The following ACSL4 variants were observed in gnomAD, a reference collection of about 807,000 sequenced individuals.
ACSL4 encodes the protein long-chain-fatty-acid--CoA ligase 4.
In ACSL4, 9 loss-of-function variants were observed where a neutral mutation model predicts 49.1. The ratio of observed to expected loss-of-function variants is 0.18; its 90% CI spans 0.11 to 0.32. ACSL4 has a LOEUF of 0.32. Ranked by LOEUF, ACSL4 falls within the 10% of genes least tolerant of loss-of-function variation. The pLI, the probability that ACSL4 is intolerant of heterozygous loss-of-function variation, is 1.00. For synonymous variants in ACSL4, 191 were observed against 170.3 expected (o/e 1.12, Z -0.95); for missense variants, 333 against 493.7 (o/e 0.67, Z 3.08).
intron 2 of ACSL4, among the ~76,000 whole-genome samples, chrX:109,691,013 G>A (rs1446364637): frequency 2.7e-5 from 3 of 111,198 alleles, no homozygotes; most frequent in Non-Finnish European, 5.7e-5. Flanking sequence ...CCAGAAGCAT[G>A]TGACACAACA....
chrX:109,677,919 T>C, intron 8 of ACSL4, 69 bp downstream of exon 8: 13 of 1,186,082 alleles, frequency 1.1e-5, no homozygotes, highest in Non-Finnish European at 1.5e-5. Flanking sequence ...TCTCGAGTCC[T>C]AGTAATATGT....
At chrX:109,699,784 T>C (rs751259073) in intron 1 of ACSL4, among the ~76,000 whole-genome samples, 9 of 111,711 alleles carry the variant, frequency 8.1e-5, no homozygotes, top group Non-Finnish European at 1.3e-4. Context: ...AAAAATTGTA[T>C]ACTTAAAATT....
At chrX:109,677,143 T>A (rs1414959154) in intron 8 of ACSL4, among the ~76,000 whole-genome samples, 1 of 109,853 alleles carries the variant, frequency 9.1e-6, no homozygotes, top group Non-Finnish European at 1.9e-5. Context: ...TGTATTTTTT[T>A]AGTAGAGACG....
intron 9 of ACSL4, among the ~76,000 whole-genome samples, chrX:109,670,835 C>A (rs1275658443): frequency 8.9e-6 from 1 of 112,601 alleles, no homozygotes; most frequent in Non-Finnish European, 1.9e-5. Context: ...CCATGCTGGC[C>A]AGGCTGGTCT....
At chrX:109,647,693 T>C (rs1463076340) in intron 15 of ACSL4, among the ~76,000 whole-genome samples, 2 of 110,087 alleles carry the variant, frequency 1.8e-5, no homozygotes, top group Non-Finnish European at 3.8e-5. Flanking sequence ...CTGAAGGAAA[T>C]AGAGACACAA....
At chrX:109,693,845 T>C (rs759661477) in intron 2 of ACSL4, among the ~76,000 whole-genome samples, 41 of 111,965 alleles carry the variant, frequency 3.7e-4, no homozygotes, top group Non-Finnish European at 7.3e-4. Flanking sequence ...ACTCCTACTC[T>C]TCACCTTGGT....
At chrX:109,691,851 A>G (rs1236649351) in intron 2 of ACSL4, among the ~76,000 whole-genome samples, 1 of 112,006 alleles carries the variant, frequency 8.9e-6, no homozygotes, top group South Asian at 3.7e-4. Context: ...TCAAATATAC[A>G]GTAATTATAA....
chrX:109,680,076 A>G (rs1044146566), intron 6 of ACSL4, among the ~76,000 whole-genome samples: 1 of 112,084 alleles, frequency 8.9e-6, no homozygotes, highest in Non-Finnish European at 1.9e-5. Context: ...CAATAAGATA[A>G]TAAGATATTC....
intron 6 of ACSL4, 141 bp from the exon 7 acceptor site, chrX:109,678,556 G>T: frequency 1.3e-6 from 1 of 757,283 alleles, no homozygotes; most frequent in Non-Finnish European, 1.9e-6. Flanking sequence ...CGAGCTGGGT[G>T]AGGTGGCTCA....
chrX:109,683,740 A>AAT (rs1339137336), intron 2 of ACSL4: 1 of 329,804 alleles, frequency 3.0e-6, no homozygotes, highest in Non-Finnish European at 5.3e-6. Flanking sequence ...AAAACAAAAG[A>AAT]ATATTAACAA....
At chrX:109,706,770 T>C (rs989868996) in intron 1 of ACSL4, among the ~76,000 whole-genome samples, 1 of 112,342 alleles carries the variant, frequency 8.9e-6, no homozygotes, top group African/African-American at 3.2e-5. Flanking sequence ...AGTCAAGAAG[T>C]GTGTTGATAC....
At chrX:109,676,501 A>G (rs1923702126) in intron 8 of ACSL4, among the ~76,000 whole-genome samples, 2 of 111,303 alleles carry the variant, frequency 1.8e-5, no homozygotes, top group African/African-American at 6.5e-5. Flanking sequence ...CTGGGCCCCC[A>G]GTGTTGGAGG....
At chrX:109,717,894 T>C (rs1927246003) in intron 1 of ACSL4, among the ~76,000 whole-genome samples, 1 of 111,642 alleles carries the variant, frequency 9.0e-6, no homozygotes, top group South Asian at 3.8e-4. Context: ...AGTGTTAGCA[T>C]ATTTTATGTG....
intron 15 of ACSL4, among the ~76,000 whole-genome samples, chrX:109,659,059 A>C (rs1921946510): frequency 8.9e-6 from 1 of 112,040 alleles, no homozygotes; most frequent in African/African-American, 3.2e-5. Flanking sequence ...TCTGCTTTAC[A>C]GACACAAAGT....
chrX:109,729,054 C>CAA (rs34694513), intron 1 of ACSL4, among the ~76,000 whole-genome samples: 61 of 92,047 alleles, frequency 6.6e-4, no homozygotes, highest in South Asian at 1.6e-3. Context: ...ACTAAAAATA[C>CAA]AAAAAAAAAA....
chrX:109,719,458 C>T (rs1290541979), intron 1 of ACSL4, among the ~76,000 whole-genome samples: 1 of 111,981 alleles, frequency 8.9e-6, no homozygotes, highest in African/African-American at 3.3e-5. Context: ...TTGTACTCCT[C>T]GCGCTGAAAA....
intron 1 of ACSL4, among the ~76,000 whole-genome samples, chrX:109,707,206 T>C (rs1463632436): frequency 1.8e-5 from 2 of 112,114 alleles, no homozygotes; most frequent in Non-Finnish European, 3.8e-5. Context: ...CTACTACTTA[T>C]AATATTGCAT....
chrX:109,710,917 A>C (rs1926706467), intron 1 of ACSL4, among the ~76,000 whole-genome samples: 2 of 111,673 alleles, frequency 1.8e-5, no homozygotes, highest in Non-Finnish European at 3.8e-5. Flanking sequence ...CACTATCTTA[A>C]CCAGGCTGGT....
chrX:109,720,232 A>T (rs1023107400), intron 1 of ACSL4, among the ~76,000 whole-genome samples: 25 of 109,833 alleles, frequency 2.3e-4, no homozygotes, highest in African/African-American at 7.6e-4. Context: ...CGGGAGGCTG[A>T]GGCAGGAGAA....
Sources: gnomAD v4.1 joint callset for allele counts (sites outside exome capture counted in the v4.1 genomes callset) on GRCh38, gnomAD v4.1.1 for gene constraint, MANE v1.5 for transcripts, NCBI Gene and HGNC (gene_info 2026-07-23, HGNC 2026-07-21) for gene names.